ABCB4: variants seen among roughly 807,000 people sequenced by gnomAD.
The protein encoded by ABCB4 is phosphatidylcholine translocator ABCB4.
Under a neutral mutation model 145.7 loss-of-function variants are expected in ABCB4, and 76 were observed. The ratio of observed to expected loss-of-function variants is 0.52; its 90% CI spans 0.43 to 0.63. The LOEUF (loss-of-function observed/expected upper bound fraction) is 0.63, where lower values mean the gene tolerates loss of function less well. Ranked by LOEUF, ABCB4 falls within the 30% of genes least tolerant of loss-of-function variation. ABCB4 has a pLI of 0.00. For synonymous variants in ABCB4, 517 were observed against 566.8 expected (o/e 0.91, Z 1.25); for missense variants, 1,234 against 1,553.1 (o/e 0.79, Z 3.45).
chr7:87,452,348 T>C lies in ABCB4; in HGVS notation c.537-554A>G, dbSNP rs144789636. ...TGAAGTCTTGAAGTCTTTGTGGAGGTTTACAAGGCCCTAAATGTCTTGCTT... is the reference window on the plus strand; with the variant it reads ...TGAAGTCTTGAAGTCTTTGTGGAGGCTTACAAGGCCCTAAATGTCTTGCTT... On this transcript the variant is annotated intron_variant, in intron 6 of 27. Coordinates refer to ENST00000649586, the MANE Select transcript of ABCB4 (RefSeq NM_000443.4). 66 of 171,576 alleles carry C rather than the reference T, an allele frequency of 3.8e-4. No individual in the cohort carries two copies. The East Asian group carries it at 0.011, about 28-fold the overall frequency. 10.6% of individuals were successfully genotyped at this position (171,576 alleles called of 1,614,324 possible). A position where few individuals can be genotyped will look rare whatever the true frequency, so the allele number is the denominator to read the frequency against.
rs568183107 is a variant in ABCB4 at position 87,423,385 on chromosome 7, C to A, written c.2211+521G>T. ...TTTTGAATACTTACTACAAGGCACACACTCTTAAATGCTTTCCAGATAGTT... is the reference window on the plus strand; with the variant it reads ...TTTTGAATACTTACTACAAGGCACAAACTCTTAAATGCTTTCCAGATAGTT... On this transcript the variant is annotated intron_variant, in intron 17 of 27. Transcript: ENST00000649586. Among the ~76,000 whole-genome samples, 226 of 152,306 alleles carry A rather than the reference C, an allele frequency of 1.5e-3. 2 individuals are homozygous for A. In the South Asian group the frequency reaches 0.016, roughly 10 times the overall value.
chr7:87,368,383 A>G, the ABCB4 span, among the ~76,000 whole-genome samples: 6 of 152,158 alleles, frequency 3.9e-5, no homozygotes, highest in African/African-American at 1.2e-4. Context: ...GATGACAGCA[A>G]TAAAAGAGTG....
chr7:87,377,674 A>C, the ABCB4 span, among the ~76,000 whole-genome samples: 1 of 152,160 alleles, frequency 6.6e-6, no homozygotes, highest in African/African-American at 2.4e-5. Context: ...GCAAAATGGG[A>C]TTTGCATATA....
chr7:87,460,820 A>G (rs1300340595), intron 4 of ABCB4, among the ~76,000 whole-genome samples: 3 of 151,930 alleles, frequency 2.0e-5, no homozygotes, highest in African/African-American at 4.8e-5. Flanking sequence ...GTAGTATTCC[A>G]TAAGAAATAG....
chr7:87,419,915 C>T (rs1310181665), intron 19 of ABCB4, 83 bp downstream of exon 19: 11 of 1,430,164 alleles, frequency 7.7e-6, no homozygotes, highest in African/African-American at 4.2e-5. Context: ...ACATGCATAT[C>T]GACATAACAA....
In ABCB4 at chr7:87,447,221, G is replaced by A; in HGVS notation, c.834-16C>T. On this transcript the variant is annotated splice_polypyrimidine_tract_variant and intron_variant, in intron 8 of 27. Coordinates refer to ENST00000649586, the MANE Select transcript of ABCB4 (RefSeq NM_000443.4). ...TTTCTGATACCTACCAGAAAAATGA[G>A]AGGGAAAACATTATAATTAAGAATA... is the stretch of plus-strand genomic sequence containing the variant. 2 of 1,608,566 alleles carry A rather than the reference G, an allele frequency of 1.2e-6. No homozygotes were observed. Among genetic ancestry groups the A allele is most frequent in the Non-Finnish European group, 1.7e-6 (2 of 1,175,612 alleles).
chr7:87,417,669 T>C (rs1240377969), intron 20 of ABCB4, among the ~76,000 whole-genome samples, 154 bp from the exon 21 acceptor site: 1 of 152,232 alleles, frequency 6.6e-6, no homozygotes, highest in Non-Finnish European at 1.5e-5. Context: ...TGTGCTTAAC[T>C]CATGAGGCTC....
At chr7:87,431,311 G>C (rs1810203918) in intron 15 of ABCB4, 93 bp downstream of exon 15, 3 of 1,507,028 alleles carry the variant, frequency 2.0e-6, no homozygotes, top group Non-Finnish European at 2.8e-6. Flanking sequence ...GTTTCTTCTT[G>C]CTCAGTATAG....
chr7:87,423,508 GTC>G, intron 17 of ABCB4: 1 of 305,592 alleles, frequency 3.3e-6, no homozygotes, highest in Non-Finnish European at 6.3e-6. Context: ...GGTGAGGCCA[GTC>G]TATACCCAGT....
rs1459957424 is a variant in ABCB4 at position 87,472,669 on chromosome 7, T to C, written c.87A>G (p.Gln29=). Residue 29 remains glutamine, a synonymous_variant, in exon 3 of 28, where the codon CAA becomes CAG. Coordinates refer to ENST00000649586, the MANE Select transcript of ABCB4 (RefSeq NM_000443.4). Reference sequence around the variant, plus strand: ...TCACTGTCTTCGTTTTTTTCCTTTTTTGTTTGCTGTAAAAAATAGAATTGC... The same window carrying C: ...TCACTGTCTTCGTTTTTTTCCTTTTCTGTTTGCTGTAAAAAATAGAATTGC... ...GDFELGISSK[Q]KRKKTKTVKM... 8 of 1,602,082 alleles carry C rather than the reference T, an allele frequency of 5.0e-6. No individual in the cohort carries two copies. The highest frequency in any genetic ancestry group is 6.0e-6 in the Non-Finnish European group (7 of 1,169,244).
rs769306313 is a variant in ABCB4 at position 87,402,260 on chromosome 7, A to C, written c.3676T>G (p.Cys1226Gly). Residue 1226 changes from cysteine (C) to glycine (G), a missense_variant, in exon 28 of 28, where the codon TGC becomes GGC. Cys to Gly is a radical substitution (Grantham distance 159). This residue lies in a region of ABCB4 where 58 missense variants were observed against 75.9 expected (regional missense o/e 0.76). Transcript: ENST00000649586. ...ALDKAREGRTCIVIAHRLSTI... is the reference protein window; with the variant it reads ...ALDKAREGRTGIVIAHRLSTI... ...GACAGGCGGTGAGCAATCACAATGC[A>C]GGTGCGGCCTTCTCTGGCTTTGTCC... 87 of 1,613,980 alleles carry C rather than the reference A, an allele frequency of 5.4e-5. No individual in the cohort carries two copies. Among genetic ancestry groups the C allele is most frequent in the Non-Finnish European group, 6.9e-5 (82 of 1,179,976 alleles).
downstream of ABCB4, chr7:87,398,215 G>A: frequency 2.0e-6 from 1 of 506,292 alleles, no homozygotes; most frequent in South Asian, 1.6e-5. Flanking sequence ...CTTTAGGAAG[G>A]ACTTTTCTAG....
At chr7:87,462,208 G>T (rs757522837) in intron 4 of ABCB4, among the ~76,000 whole-genome samples, 1 of 152,122 alleles carries the variant, frequency 6.6e-6, no homozygotes, top group Non-Finnish European at 1.5e-5. Context: ...AGTCCTTTGG[G>T]TGAGTTCCAA....
chr7:87,384,884 T>A, the ABCB4 span, among the ~76,000 whole-genome samples: 10 of 152,208 alleles, frequency 6.6e-5, no homozygotes, highest in Non-Finnish European at 5.9e-5. Flanking sequence ...TGATTTGAAT[T>A]TTGTACACGG....
chr7:87,394,118 A>C, the ABCB4 span, among the ~76,000 whole-genome samples: 1 of 152,186 alleles, frequency 6.6e-6, no homozygotes, highest in African/African-American at 2.4e-5. Context: ...AATGTAAACA[A>C]ATGTAAAGAT....
intron 9 of ABCB4, among the ~76,000 whole-genome samples, chr7:87,446,725 C>T (rs911246297): frequency 1.8e-4 from 27 of 152,278 alleles, no homozygotes; most frequent in Admixed American, 3.9e-4. Flanking sequence ...TAAAACTCAA[C>T]GGCAGAGGGA....
At position 87,413,709 on chromosome 7, in the gene ABCB4, T is replaced by G. The variant is rs753390736; in HGVS notation, c.2691A>C (p.Thr897=). 24 of 1,604,204 alleles carry G rather than the reference T, an allele frequency of 1.5e-5. No homozygotes were observed. ...CTGTCCTAATATTTTCTATTGCCTCTGTTGCAATCTGTAACACAGAATAGA... is the reference window on the plus strand; with the variant it reads ...CTGTCCTAATATTTTCTATTGCCTCGGTTGCAATCTGTAACACAGAATAGA... ...KELEAAGKIA[T]EAIENIRTVV... is the part of the protein sequence containing the mutation. Residue 897 remains threonine, a synonymous_variant, in exon 22 of 28, where the codon ACA becomes ACC. Coordinates refer to ENST00000649586, the MANE Select transcript of ABCB4 (RefSeq NM_000443.4).
the ABCB4 span, chr7:87,393,137 C>A: frequency 6.8e-7 from 1 of 1,465,834 alleles, no homozygotes; most frequent in Non-Finnish European, 9.3e-7. Context: ...TTTTAAATGC[C>A]TTTCCTACAC....
chr7:87,443,327 C>G lies in ABCB4; in HGVS notation c.1348G>C (p.Glu450Gln). The change falls in exon 12 of 28, where the codon GAG becomes CAG. Residue 450 changes from glutamate (E) to glutamine (Q), a missense_variant. Around this residue, in one of 7 missense-constraint regions of ABCB4, gnomAD observed 467 missense variants for 632.8 expected, o/e 0.74. Coordinates refer to ENST00000649586, the MANE Select transcript of ABCB4 (RefSeq NM_000443.4). ...QLIQRLYDPD[E>Q]GTINIDGQDI... ...TGGTTCTTCCCACTTACTGTGCCCTCATCAGGGTCATAGAGCCTCTGTATC... is the reference window on the plus strand; with the variant it reads ...TGGTTCTTCCCACTTACTGTGCCCTGATCAGGGTCATAGAGCCTCTGTATC... 1 of 1,614,084 alleles carries G rather than the reference C, an allele frequency of 6.2e-7. No homozygotes were observed. Among genetic ancestry groups the G allele is most frequent in the Non-Finnish European group, 8.5e-7 (1 of 1,179,966 alleles).
Sources: gnomAD v4.1 joint callset for allele counts (sites outside exome capture counted in the v4.1 genomes callset) on GRCh38, gnomAD v4.1.1 for gene constraint, gnomAD v4.1.1 regional missense constraint, MANE v1.5 for transcripts, NCBI Gene and HGNC (gene_info 2026-07-23, HGNC 2026-07-21) for gene names.